The following TXLNG variants were observed in gnomAD, a reference collection of about 807,000 sequenced individuals.
TXLNG encodes gamma-taxilin.
A neutral mutation model predicts 38.8 loss-of-function variants in TXLNG; 5 were observed. The observed-to-expected ratio is 0.13, with a 90% CI of 0.07 to 0.27. The LOEUF (loss-of-function observed/expected upper bound fraction) is 0.27, where lower values mean the gene tolerates loss of function less well. TXLNG is among the 10% of genes least tolerant of loss of function. The pLI is 1.00. For missense variants in TXLNG, 393 were observed against 398.2 expected, an observed-to-expected ratio of 0.99 and a Z score of 0.11; for synonymous variants, 182 against 158.2, an observed-to-expected ratio of 1.15 and a Z score of -1.13.
intron 9 of TXLNG, among the ~76,000 whole-genome samples, 161 bp from the exon 10 acceptor site, chrX:16,841,267 G>C (rs1347273790): frequency 2.7e-5 from 3 of 111,711 alleles, no homozygotes; most frequent in Non-Finnish European, 3.8e-5. Context: ...ATTCGGTATA[G>C]TTATGGGTGC....
At chrX:16,811,484 G>A (rs1006930635) in intron 1 of TXLNG, among the ~76,000 whole-genome samples, 9 of 110,613 alleles carry the variant, frequency 8.1e-5, no homozygotes, top group African/African-American at 3.0e-4. Flanking sequence ...AGCCTCCCGA[G>A]TAGCAGGCAT....
chrX:16,840,818 A>G (rs1451271150), intron 9 of TXLNG, among the ~76,000 whole-genome samples: 3 of 111,882 alleles, frequency 2.7e-5, no homozygotes, highest in Non-Finnish European at 3.8e-5. Context: ...GGAGAAATCT[A>G]TGTAGAAGTG....
intron 3 of TXLNG, among the ~76,000 whole-genome samples, chrX:16,821,203 C>T (rs1231046926): frequency 8.3e-5 from 7 of 84,312 alleles, no homozygotes; most frequent in African/African-American, 2.9e-4. Context: ...TTCAGTGGTG[C>T]GATCTTGGGT....
rs1304616366 is a variant in TXLNG at position 16,844,373 on chromosome X, CCCA to C, written c.*2609_*2611del. On this transcript the variant is annotated 3_prime_UTR_variant, in exon 10 of 10. Coordinates refer to ENST00000380122, the MANE Select transcript of TXLNG (RefSeq NM_018360.3). ...TAAACACACTGCTTTATTTTTACAG[CCCA>C]CGTCTTTCATGAGGATACGAATTGT... is the stretch of plus-strand genomic sequence containing the variant. The C allele has an allele frequency of 2.7e-5, 3 of 112,312 alleles. No homozygotes were observed. Among genetic ancestry groups the C allele is most frequent in the Non-Finnish European group, 5.6e-5 (3 of 53,293 alleles). 9.3% of individuals were successfully genotyped at this position (112,312 alleles called of 1,213,427 possible). A position where few individuals can be genotyped will look rare whatever the true frequency, so the allele number is the denominator to read the frequency against.
chrX:16,792,191 C>T (rs1435866343), intron 1 of TXLNG, among the ~76,000 whole-genome samples: 1 of 111,724 alleles, frequency 9.0e-6, no homozygotes, highest in Non-Finnish European at 1.9e-5. Context: ...TAGGTGGTAT[C>T]CCCAGGTATA....
Position 16,829,664 on chromosome X carries a change from C to T in TXLNG, c.758C>T (p.Ala253Val), listed in dbSNP as rs780356501. 1.7e-6 allele frequency: 2 copies of T among 1,210,066 alleles called. No homozygotes were observed. Among genetic ancestry groups the T allele is most frequent in the South Asian group, 1.8e-5 (1 of 56,839 alleles). The change falls in exon 5 of 10, where the codon GCC becomes GTC. Residue 253 changes from alanine to valine, a missense_variant. Ala to Val is a moderately conservative substitution (Grantham distance 64). Transcript: ENST00000380122. ...HFQITLNEIQ[A>V]QLEQHDIHNA... ...CAGATTACCTTAAATGAAATTCAAGCCCAGCTGGAGCAGCATGACATCCAC... is the reference window on the plus strand; with the variant it reads ...CAGATTACCTTAAATGAAATTCAAGTCCAGCTGGAGCAGCATGACATCCAC...
intron 3 of TXLNG, among the ~76,000 whole-genome samples, chrX:16,821,021 G>A (rs182883183): frequency 9.7e-4 from 107 of 110,119 alleles, no homozygotes; most frequent in African/African-American, 3.3e-3. Flanking sequence ...TGCCCGCCTC[G>A]GCCTCCCAAA....
At chrX:16,840,828 G>A (rs1460833977) in intron 9 of TXLNG, among the ~76,000 whole-genome samples, 1 of 111,699 alleles carries the variant, frequency 9.0e-6, no homozygotes, top group Non-Finnish European at 1.9e-5. Context: ...ATGTAGAAGT[G>A]AGTCATTTTC....
chrX:16,837,520 C>T, intron 7 of TXLNG, 73 bp from the exon 8 acceptor site: 6 of 743,786 alleles, frequency 8.1e-6, no homozygotes, highest in Non-Finnish European at 1.2e-5. Context: ...AACCATACTA[C>T]GTTCTTTTGA....
intron 1 of TXLNG, among the ~76,000 whole-genome samples, chrX:16,800,519 A>G (rs888954148): frequency 9.3e-6 from 1 of 107,502 alleles, no homozygotes; most frequent in African/African-American, 3.4e-5. Context: ...AAGTGCTGGA[A>G]TTACAGGCGT....
intron 7 of TXLNG, among the ~76,000 whole-genome samples, chrX:16,835,590 A>C (rs936667059): frequency 2.7e-5 from 3 of 111,879 alleles, no homozygotes; most frequent in African/African-American, 9.8e-5. Flanking sequence ...ATGCTGCGGA[A>C]GTCACCAGAG....
intron 1 of TXLNG, among the ~76,000 whole-genome samples, chrX:16,791,498 A>AG (rs1326867527): frequency 8.9e-5 from 10 of 112,713 alleles, no homozygotes; most frequent in Non-Finnish European, 1.7e-4. Context: ...AACCAGATAC[A>AG]GCATATTCTG....
At chrX:16,828,008 G>A (rs1487728695) in intron 3 of TXLNG, 86 bp from the exon 4 acceptor site, 11 of 898,060 alleles carry the variant, frequency 1.2e-5, no homozygotes, top group Non-Finnish European at 1.7e-5. Context: ...TTTTGAAAAT[G>A]TGTTCCATAG....
At position 16,824,470 on chromosome X, in the gene TXLNG, A is replaced by G. The variant is rs191583639; in HGVS notation, c.499-3624A>G. Among the ~76,000 whole-genome samples, 134 of 112,334 alleles carry G rather than the reference A, an allele frequency of 1.2e-3. 1 individual carries two copies. Among genetic ancestry groups the G allele is most frequent in the African/African-American group, 4.2e-3 (129 of 30,947 alleles). On this transcript the variant is annotated intron_variant, in intron 3 of 9. Coordinates refer to ENST00000380122, the MANE Select transcript of TXLNG (RefSeq NM_018360.3). ...AAAAATTAAGCTTTGAAATTTGTAGATATTATTTTGATTTATCAATAGATA... is the reference window on the plus strand; with the variant it reads ...AAAAATTAAGCTTTGAAATTTGTAGGTATTATTTTGATTTATCAATAGATA...
intron 3 of TXLNG, among the ~76,000 whole-genome samples, chrX:16,821,136 CTTTCTTTTTTTT>C (rs1215816862): frequency 1.8e-5 from 1 of 54,528 alleles, no homozygotes; most frequent in African/African-American, 8.2e-5. Flanking sequence ...TTCTTTCTTT[CTTTCTTTTTTTT>C]TTTTTTTTTT....
rs1334905851 is a variant in TXLNG, at chrX:16,818,865, G to A, written c.394G>A (p.Glu132Lys). 5 of 1,198,022 alleles carry A rather than the reference G, an allele frequency of 4.2e-6. No homozygotes were observed. In the Admixed American group the frequency reaches 7.0e-5, roughly 17 times the overall value. The change falls in exon 2 of 10, where the codon GAA (glutamate) becomes AAA (lysine). Residue 132 changes from glutamate to lysine, a missense_variant. Glu to Lys is a moderately conservative substitution (Grantham distance 56). Transcript: ENST00000380122. ...QQDSECNRNK[E>K]KTLGKEVLLL... ...AGATTCAGAGTGCAACAGGAACAAA[G>A]AAAAAACTTTAGGTAATAATCCGTT...
intron 1 of TXLNG, among the ~76,000 whole-genome samples, chrX:16,812,289 A>T (rs995456119): frequency 9.1e-6 from 1 of 109,522 alleles, no homozygotes; most frequent in African/African-American, 3.3e-5. Flanking sequence ...GATTACAGGT[A>T]TGAGCCACCG....
At chrX:16,796,711 T>C (rs1927901674) in intron 1 of TXLNG, among the ~76,000 whole-genome samples, 1 of 111,137 alleles carries the variant, frequency 9.0e-6, no homozygotes, top group Admixed American at 9.7e-5. Flanking sequence ...TTCTCCTCCC[T>C]GGTCCCAGGG....
Position 16,841,988 on chromosome X carries a change from C to T in TXLNG, c.*222C>T. ...GTGTTGCACATCAGCCTCGTTCTCCCTCCACTGGAATGCATGTGTTCATTG... is the reference window on the plus strand; with the variant it reads ...GTGTTGCACATCAGCCTCGTTCTCCTTCCACTGGAATGCATGTGTTCATTG... On this transcript the variant is annotated 3_prime_UTR_variant, in exon 10 of 10. Transcript: ENST00000380122. The T allele has an allele frequency of 2.5e-6, 1 of 405,247 alleles. No individual in the cohort carries two copies. The highest frequency in any genetic ancestry group is 4.3e-6 in the Non-Finnish European group (1 of 235,067). The allele number at this position is 405,247 out of a possible 1,213,427, so 33.4% of individuals were successfully genotyped here.
Sources: allele counts gnomAD v4.1 joint callset (sites outside exome capture counted in the v4.1 genomes callset), GRCh38; gene constraint gnomAD v4.1.1; transcripts MANE v1.5; gene names NCBI Gene and HGNC (gene_info 2026-07-23, HGNC 2026-07-21).